Variants in RAB11FIP3 observed in about 807,000 individuals in gnomAD.
RAB11FIP3 encodes rab11 family-interacting protein 3.
In RAB11FIP3, 17 loss-of-function variants were observed where a neutral mutation model predicts 77.8. The observed-to-expected ratio is 0.22, with a 90% CI of 0.15 to 0.33. RAB11FIP3 has a LOEUF of 0.33. Ranked by LOEUF, RAB11FIP3 falls within the 10% of genes least tolerant of loss-of-function variation. The pLI is 1.00. For missense variants in RAB11FIP3, 1,005 were observed against 1,011.2 expected (o/e 0.99, Z 0.08); for synonymous variants, 437 against 448.2 (o/e 0.98, Z 0.31).
intron 10 of RAB11FIP3, 114 bp from the exon 11 acceptor site, chr16:519,640 C>A: frequency 7.1e-7 from 1 of 1,402,406 alleles, no homozygotes; most frequent in East Asian, 2.4e-5. Context: ...CAAGCACGGG[C>A]GCCACCGCGT....
chr16:431,107 GGTGT>G (rs140524774), intron 1 of RAB11FIP3, among the ~76,000 whole-genome samples: 1 of 151,702 alleles, frequency 6.6e-6, no homozygotes, highest in Non-Finnish European at 1.5e-5. Context: ...TATGTGAGCT[GGTGT>G]GTGTGTGTGT....
At chr16:480,494 ATATT>A (rs555765569) in intron 3 of RAB11FIP3, among the ~76,000 whole-genome samples, 1 of 150,862 alleles carries the variant, frequency 6.6e-6, no homozygotes, top group African/African-American at 2.4e-5. Context: ...TTGGCTAATT[ATATT>A]TATTTATTTA....
Position 461,856 on chromosome 16 carries a change from C to T in RAB11FIP3, c.808+359C>T, listed in dbSNP as rs2055612437. Reference sequence around the variant, plus strand: ...GTGCTCTGCAGGCAGCACTTCGTCGCACTCTCTCCCCACGTCTCTGTCCAT... The same window carrying T: ...GTGCTCTGCAGGCAGCACTTCGTCGTACTCTCTCCCCACGTCTCTGTCCAT... On this transcript the variant is annotated intron_variant, in intron 2 of 13. Transcript: ENST00000262305. This position sits in a 1 kb window ranked among gnomAD's most constrained non-coding sequence, Gnocchi z 4.5. Among the ~76,000 whole-genome samples, 1 of 152,172 alleles carries T rather than the reference C, an allele frequency of 6.6e-6. No individual in the cohort carries two copies. Among genetic ancestry groups the T allele is most frequent in the African/African-American group, 2.4e-5 (1 of 41,440 alleles).
chr16:492,460 G>GGGAGATCCGAGGCCGCCCAGAGCCCTCCC, intron 5 of RAB11FIP3, among the ~76,000 whole-genome samples: 1 of 28,322 alleles, frequency 3.5e-5, no homozygotes, highest in Non-Finnish European at 6.8e-5. Context: ...GGCCCTTCCC[G>GGGAGATCCGAGGCCGCCCAGAGCCCTCCC]GGGAGACCCG....
intron 2 of RAB11FIP3, among the ~76,000 whole-genome samples, chr16:467,568 A>G (rs145481094): frequency 0.016 from 461 of 28,582 alleles, no homozygotes; most frequent in East Asian, 0.053. Flanking sequence ...AGGTGCTGGG[A>G]CGTCAGGGAG....
rs1054334 is a variant in RAB11FIP3, at chr16:521,904, T to C, written c.*1065T>C. On this transcript the variant is annotated 3_prime_UTR_variant, in exon 14 of 14. Transcript: ENST00000262305. The stretch of plus-strand genomic sequence containing the variant: ...TCACAGCAGAGCAGGAGGGGGCCTG[T>C]GCTTCTCGGGGTCTGCACCCCAGGC... 37,072 of 152,148 alleles carry C rather than the reference T, an allele frequency of 0.24. 7,667 individuals carry two copies. Among genetic ancestry groups the C allele is most frequent in the African/African-American group, 0.56 (23,230 of 41,444 alleles). The allele number at this position is 152,148 out of a possible 1,614,324, so 9.4% of individuals were successfully genotyped here. A position where few individuals can be genotyped will look rare whatever the true frequency, so the allele number is the denominator to read the frequency against.
chr16:482,668 C>T lies in RAB11FIP3; in HGVS notation c.1047C>T (p.Ala349=), dbSNP rs372993967. ...ACGCAGACAGTGCCGGCGGCTCGGC[C>T]GTGCCCTCTGAGTGCCTGGACGCCA... ...EGDADSAGGS[A]VPSECLDAME... Residue 349 remains alanine (A), a synonymous_variant, in exon 4 of 14, where the codon GCC becomes GCT. Coordinates refer to ENST00000262305, the MANE Select transcript of RAB11FIP3 (RefSeq NM_014700.4). 29 of 1,612,636 alleles carry T rather than the reference C, an allele frequency of 1.8e-5. No individual in the cohort carries two copies. In the East Asian group the frequency reaches 2.2e-4, roughly 12 times the overall value.
At chr16:499,345 C>G (rs2031352724) in intron 6 of RAB11FIP3, among the ~76,000 whole-genome samples, 1 of 152,244 alleles carries the variant, frequency 6.6e-6, no homozygotes, top group South Asian at 2.1e-4. Context: ...CAGGCTGCAG[C>G]TGGTGACATG....
chr16:436,725 G>A (rs2055136273), intron 1 of RAB11FIP3, among the ~76,000 whole-genome samples: 1 of 152,062 alleles, frequency 6.6e-6, no homozygotes, highest in Non-Finnish European at 1.5e-5. Flanking sequence ...CCACCTCGGC[G>A]TCCGAAAGTG....
At chr16:457,362 C>G (rs2055520785) in intron 1 of RAB11FIP3, among the ~76,000 whole-genome samples, 1 of 152,144 alleles carries the variant, frequency 6.6e-6, no homozygotes, top group Admixed American at 6.6e-5. Flanking sequence ...AGTGGATTCT[C>G]CACCATGGTG....
intron 5 of RAB11FIP3, among the ~76,000 whole-genome samples, chr16:496,622 G>A (rs2031157688): frequency 6.6e-6 from 1 of 152,238 alleles, no homozygotes; most frequent in Admixed American, 6.5e-5. Context: ...CGAGACGTAT[G>A]CGGCCTCACC....
chr16:492,542 A>AGCC (rs1567392733), intron 5 of RAB11FIP3, among the ~76,000 whole-genome samples: 1 of 70,674 alleles, frequency 1.4e-5, no homozygotes, highest in African/African-American at 1.1e-4. Context: ...GGCCGTCCAG[A>AGCC]ATCTTGGATT....
At position 452,495 on chromosome 16, in the gene RAB11FIP3, C is replaced by G. The variant is rs1024593487; in HGVS notation, c.715-8909C>G. ...TGTTGCCCAGGCTGGAGTGCGGTGG[C>G]ATGATCTCGGCTCACTGCAAGCTCC... On this transcript the variant is annotated intron_variant, in intron 1 of 13. Coordinates refer to ENST00000262305, the MANE Select transcript of RAB11FIP3 (RefSeq NM_014700.4). 8.1e-5 allele frequency: 12 copies of G among 148,232 alleles called. 1 individual carries two copies. Among genetic ancestry groups the G allele is most frequent in the Admixed American group, 8.1e-4 (12 of 14,906 alleles). The allele number at this position is 148,232 out of a possible 1,614,324, so 9.2% of individuals were successfully genotyped here. A position where few individuals can be genotyped will look rare whatever the true frequency, so the allele number is the denominator to read the frequency against.
intron 7 of RAB11FIP3, 101 bp downstream of exon 7, chr16:503,198 C>T (rs1012958059): frequency 1.9e-5 from 17 of 878,614 alleles, no homozygotes; most frequent in East Asian, 1.4e-4. Context: ...ACAGCACAGC[C>T]GGAGGTGACC....
chr16:433,630 C>T (rs1041379548), intron 1 of RAB11FIP3, among the ~76,000 whole-genome samples: 9 of 151,158 alleles, frequency 6.0e-5, no homozygotes, highest in Admixed American at 2.6e-4. Context: ...GGGCGGATCA[C>T]GAGGTCAGGA....
intron 1 of RAB11FIP3, among the ~76,000 whole-genome samples, chr16:447,868 AC>A (rs1567361635): frequency 2.0e-5 from 3 of 152,234 alleles, no homozygotes; most frequent in African/African-American, 7.2e-5. Context: ...AAGGGTGAGA[AC>A]AAAGGGTTAC....
chr16:464,200 A>G lies in RAB11FIP3; in HGVS notation c.808+2703A>G, dbSNP rs577850418. ...CAGCATTGGCAGGAGAAGGGGGAGGAAGAGGACAGTCAGGAGGCCTCAGAG... is the reference window on the plus strand; with the variant it reads ...CAGCATTGGCAGGAGAAGGGGGAGGGAGAGGACAGTCAGGAGGCCTCAGAG... On this transcript the variant is annotated intron_variant, in intron 2 of 13. Transcript: ENST00000262305. Among the ~76,000 whole-genome samples, 262 of 152,166 alleles carry G rather than the reference A, an allele frequency of 1.7e-3. 1 individual carries two copies. The highest frequency in any genetic ancestry group is 6.1e-3 in the African/African-American group (252 of 41,512).
chr16:471,235 G>A lies in RAB11FIP3; in HGVS notation c.809-60G>A. On this transcript the variant is annotated intron_variant, in intron 2 of 13. Coordinates refer to ENST00000262305, the MANE Select transcript of RAB11FIP3 (RefSeq NM_014700.4). The surrounding 1 kb of genome is among the most constrained non-coding windows in gnomAD (Gnocchi z 4.4). Reference sequence around the variant, plus strand: ...TTCCCAGGGAGTCCCGAGGCCGCCAGGGGTCCCGTCACTGGGTGGCTATGG... The same window carrying A: ...TTCCCAGGGAGTCCCGAGGCCGCCAAGGGTCCCGTCACTGGGTGGCTATGG... 1 of 1,472,410 alleles carries A rather than the reference G, an allele frequency of 6.8e-7. No homozygotes were observed. Among genetic ancestry groups the A allele is most frequent in the South Asian group, 1.1e-5 (1 of 87,054 alleles). The allele number at this position is 1,472,410 out of a possible 1,614,324, so 91.2% of individuals were successfully genotyped here. A position where few individuals can be genotyped will look rare whatever the true frequency, so the allele number is the denominator to read the frequency against.
At chr16:479,995 A>C (rs563760156) in intron 3 of RAB11FIP3, among the ~76,000 whole-genome samples, 11 of 152,076 alleles carry the variant, frequency 7.2e-5, no homozygotes, top group African/African-American at 2.7e-4. Flanking sequence ...TTTAAAAAAA[A>C]GTTGAATTCA....
Sources: gnomAD v4.1 joint callset for allele counts (sites outside exome capture counted in the v4.1 genomes callset) on GRCh38, gnomAD v4.1.1 for gene constraint, Gnocchi (gnomAD v3.1) non-coding constraint, MANE v1.5 for transcripts, NCBI Gene and HGNC (gene_info 2026-07-23, HGNC 2026-07-21) for gene names.